Variants in SSBP3 observed in about 807,000 individuals in gnomAD.
SSBP3 encodes the protein single stranded DNA binding protein 3, also known as single-stranded DNA-binding protein 3.
SSBP3 carries 5 observed loss-of-function variants against 69.6 expected under a neutral mutation model. The ratio of observed to expected loss-of-function variants is 0.07; its 90% CI spans 0.04 to 0.15. The LOEUF (loss-of-function observed/expected upper bound fraction) is 0.15. Among genes scored for constraint, SSBP3 ranks in the 10% least tolerant of loss-of-function variants. The pLI is 1.00. For missense variants in SSBP3, 312 were observed against 534.0 expected, an observed-to-expected ratio of 0.58 and a Z score of 4.10; for synonymous variants, 196 against 193.4, an observed-to-expected ratio of 1.01 and a Z score of -0.11.
intron 4 of SSBP3, among the ~76,000 whole-genome samples, chr1:54,341,531 C>T (rs531871567): frequency 1.3e-5 from 2 of 152,254 alleles, no homozygotes; most frequent in Admixed American, 1.3e-4. Context: ...ACTGAGCTCC[C>T]ATGGTAGTAA....
chr1:54,384,259 T>C (rs1031973221), intron 4 of SSBP3, among the ~76,000 whole-genome samples: 3 of 152,188 alleles, frequency 2.0e-5, no homozygotes, highest in African/African-American at 7.2e-5. Context: ...TGAAGCTCCA[T>C]CGATGTGTCA....
chr1:54,324,367 T>C (rs934062556), intron 4 of SSBP3, among the ~76,000 whole-genome samples: 2 of 152,232 alleles, frequency 1.3e-5, no homozygotes, highest in African/African-American at 4.8e-5. Flanking sequence ...GCTCGGCTTC[T>C]GTGCCATCGA....
Position 54,391,424 on chromosome 1 carries a change from A to G in SSBP3, c.276+10437T>C, listed in dbSNP as rs193221408. 1.9e-3 allele frequency among the ~76,000 whole-genome samples: 289 copies of G among 152,334 alleles called. 16 individuals are homozygous for G. In the South Asian group the frequency reaches 0.041, roughly 22 times the overall value. The stretch of plus-strand genomic sequence containing the variant: ...GGCAAAGCCCGGCAGGCAGCGGGCA[A>G]TAACTGCCCACCAACCATCTGCCAT... On this transcript the variant is annotated intron_variant, in intron 4 of 17. Coordinates refer to ENST00000610401, the Ensembl canonical transcript of SSBP3.
chr1:54,378,312 C>T (rs1647347041), intron 4 of SSBP3, among the ~76,000 whole-genome samples: 1 of 152,196 alleles, frequency 6.6e-6, no homozygotes, highest in South Asian at 2.1e-4. Context: ...AGGATTAAGA[C>T]AATCATGTAA....
At chr1:54,247,609 A>T (rs1002903469) in intron 9 of SSBP3, among the ~76,000 whole-genome samples, 1 of 152,130 alleles carries the variant, frequency 6.6e-6, no homozygotes, top group African/African-American at 2.4e-5. Context: ...ATTCTCCTTC[A>T]TCTGAACTCT....
intron 4 of SSBP3, among the ~76,000 whole-genome samples, chr1:54,394,617 A>G (rs1441573748): frequency 6.6e-6 from 1 of 151,706 alleles, no homozygotes; most frequent in Non-Finnish European, 1.5e-5. Context: ...AAAGAAGCCA[A>G]TGTGGCCAGA....
At chr1:54,407,215 A>G (rs540325697), upstream of SSBP3, among the ~76,000 whole-genome samples, 5 of 152,062 alleles carry the variant, frequency 3.3e-5, no homozygotes, top group African/African-American at 1.2e-4. Context: ...ATTTCTCCCA[A>G]ATTTCCAAGG....
chr1:54,314,228 G>C (rs1393300185), intron 4 of SSBP3, among the ~76,000 whole-genome samples: 1 of 152,226 alleles, frequency 6.6e-6, no homozygotes, highest in African/African-American at 2.4e-5. Context: ...TTACCTGATT[G>C]TCTGGCAGGG....
chr1:54,406,588 C>T (rs908765354), upstream of SSBP3, among the ~76,000 whole-genome samples: 7 of 151,964 alleles, frequency 4.6e-5, no homozygotes, highest in Admixed American at 3.9e-4. Context: ...CCTGCTCCTG[C>T]AGGCGAACTG....
At chr1:54,353,581 C>T (rs1237569720) in intron 4 of SSBP3, among the ~76,000 whole-genome samples, 1 of 152,190 alleles carries the variant, frequency 6.6e-6, no homozygotes, top group Non-Finnish European at 1.5e-5. Context: ...ATCCAGGTGA[C>T]CCAGGTGCAT....
chr1:54,265,105 G>A (rs1645079273), intron 5 of SSBP3, among the ~76,000 whole-genome samples: 1 of 152,196 alleles, frequency 6.6e-6, no homozygotes, highest in Admixed American at 6.5e-5. Flanking sequence ...AGGTCAAGGT[G>A]TGCTCAGGTG....
chr1:54,356,304 T>C (rs1238008981), intron 4 of SSBP3: 2 of 152,114 alleles, frequency 1.3e-5, no homozygotes, highest in Non-Finnish European at 2.9e-5. Flanking sequence ...AGTCCACAGT[T>C]GAACAAACAG....
chr1:54,352,377 C>T (rs1646794145), intron 4 of SSBP3, among the ~76,000 whole-genome samples: 1 of 152,148 alleles, frequency 6.6e-6, no homozygotes, highest in South Asian at 2.1e-4. Context: ...CAAATGGATC[C>T]AAACTTCTTG....
At chr1:54,342,983 G>A (rs1291180843) in intron 4 of SSBP3, among the ~76,000 whole-genome samples, 3 of 152,172 alleles carry the variant, frequency 2.0e-5, no homozygotes, top group Admixed American at 1.3e-4. Context: ...TTCGTGACTA[G>A]CAAAACACGC....
chr1:54,397,675 A>C (rs1648992101), intron 4 of SSBP3, among the ~76,000 whole-genome samples: 1 of 152,172 alleles, frequency 6.6e-6, no homozygotes, highest in Non-Finnish European at 1.5e-5. Context: ...AAATTCATCA[A>C]GGTCATGGAA....
Position 54,227,129 on chromosome 1 carries a change from G to GA in SSBP3, c.*1dup, listed in dbSNP as rs753045665. Reference sequence around the variant, plus strand: ...TCTCTCAGCGTCTCGGAGAAGGGGGGATCACACACTCATCGTCATGCTTGG... The same window carrying GA: ...TCTCTCAGCGTCTCGGAGAAGGGGGGAATCACACACTCATCGTCATGCTTGG... On this transcript the variant is annotated 3_prime_UTR_variant, in exon 18 of 18. Transcript: ENST00000610401. The GA allele has an allele frequency of 2.0e-5, 29 of 1,434,464 alleles. No homozygotes were observed. In the South Asian group the frequency reaches 2.7e-4, roughly 13 times the overall value. 88.9% of individuals were successfully genotyped at this position (1,434,464 alleles called of 1,614,324 possible).
At position 54,321,903 on chromosome 1, in the gene SSBP3, A is replaced by G. The variant is rs1026897760; in HGVS notation, c.277-40376T>C. On this transcript the variant is annotated intron_variant, in intron 4 of 17. Transcript: ENST00000610401. ...AGGTTCAGTGAGCATGAGTAGAGGC[A>G]TGATGTTTTGAGTACTGCTTGATTG... is the stretch of plus-strand genomic sequence containing the variant. Among the ~76,000 whole-genome samples, 7 of 152,236 alleles carry G rather than the reference A, an allele frequency of 4.6e-5. No homozygotes were observed. In the East Asian group the frequency reaches 1.3e-3, roughly 29 times the overall value.
At chr1:54,233,331 G>A (rs1644418006) in intron 14 of SSBP3, among the ~76,000 whole-genome samples, 1 of 150,246 alleles carries the variant, frequency 6.7e-6, no homozygotes, top group Admixed American at 6.6e-5. Flanking sequence ...GGGAGGTGAG[G>A]AGCGTCTCTG....
At position 54,343,641 on chromosome 1, in the gene SSBP3, A is replaced by G. The variant is rs377429584; in HGVS notation, c.276+58220T>C. Among the ~76,000 whole-genome samples, 102 of 152,366 alleles carry G rather than the reference A, an allele frequency of 6.7e-4. 1 individual carries two copies. The South Asian group carries it at 0.02, about 29-fold the overall frequency. On this transcript the variant is annotated intron_variant, in intron 4 of 17. Coordinates refer to ENST00000610401, the Ensembl canonical transcript of SSBP3. ...ATTATTTGAATACATGTGAATGTGCAGTGTTCAGAGAGGAGGGCAATGAAT... is the reference window on the plus strand; with the variant it reads ...ATTATTTGAATACATGTGAATGTGCGGTGTTCAGAGAGGAGGGCAATGAAT...
Sources: allele counts gnomAD v4.1 joint callset (sites outside exome capture counted in the v4.1 genomes callset), GRCh38; gene constraint gnomAD v4.1.1; transcripts MANE v1.5; gene names NCBI Gene and HGNC (gene_info 2026-07-23, HGNC 2026-07-21).